TTC39C: variants seen among roughly 807,000 people sequenced by gnomAD.
TTC39C encodes the protein tetratricopeptide repeat protein 39C.
A neutral mutation model predicts 76.3 loss-of-function variants in TTC39C; 33 were observed. The ratio of observed to expected loss-of-function variants is 0.43; its 90% confidence interval spans 0.33 to 0.58. The LOEUF (loss-of-function observed/expected upper bound fraction) is 0.58. Among genes scored for constraint, TTC39C ranks in the 20% least tolerant of loss-of-function variants. TTC39C has a pLI of 0.04. For synonymous variants in TTC39C, 254 were observed against 260.6 expected (o/e 0.97, Z 0.24); for missense variants, 595 against 701.4 (o/e 0.85, Z 1.71).
intron 5 of TTC39C, 24 bp from the exon 6 acceptor site, chr18:24,082,889 A>G (rs751108771): frequency 1.2e-5 from 18 of 1,564,554 alleles, no homozygotes; most frequent in South Asian, 2.4e-5. Flanking sequence ...AATGTGCTCA[A>G]TGTTTCTCTC....
intron 1 of TTC39C, among the ~76,000 whole-genome samples, chr18:24,038,642 T>C (rs1254657823): frequency 6.6e-6 from 1 of 152,198 alleles, no homozygotes; most frequent in Non-Finnish European, 1.5e-5. Context: ...AACAGTCATA[T>C]TGGTCCACTT....
intron 4 of TTC39C, among the ~76,000 whole-genome samples, chr18:24,078,208 A>C (rs1201682995): frequency 1.3e-5 from 2 of 152,232 alleles, no homozygotes; most frequent in Non-Finnish European, 2.9e-5. Flanking sequence ...ATAGGACATT[A>C]ATCACCCAGA....
intron 4 of TTC39C, among the ~76,000 whole-genome samples, chr18:24,078,925 G>T (rs1360060146): frequency 1.3e-5 from 2 of 152,202 alleles, no homozygotes; most frequent in Admixed American, 1.3e-4. Context: ...TCTATTGAAG[G>T]ATAGCAGTCA....
chr18:24,076,275 C>T (rs957683049), intron 4 of TTC39C, among the ~76,000 whole-genome samples: 2 of 152,306 alleles, frequency 1.3e-5, no homozygotes, highest in East Asian at 1.9e-4. Flanking sequence ...CCACCGCGCC[C>T]GGCCTGCTCT....
chr18:24,048,417 A>G (rs1343457444), intron 1 of TTC39C, among the ~76,000 whole-genome samples: 2 of 152,262 alleles, frequency 1.3e-5, no homozygotes, highest in African/African-American at 4.8e-5. Flanking sequence ...TTCTTTAAAT[A>G]AATGAGGTGT....
At chr18:24,096,456 C>A (rs2084591419) in intron 6 of TTC39C, among the ~76,000 whole-genome samples, 1 of 152,154 alleles carries the variant, frequency 6.6e-6, no homozygotes, top group South Asian at 2.1e-4. Flanking sequence ...ATGATAGACT[C>A]ATTTCTCCAG....
intron 5 of TTC39C, 22 bp from the exon 6 acceptor site, chr18:24,082,891 G>A: frequency 5.1e-6 from 8 of 1,566,456 alleles, no homozygotes; most frequent in Non-Finnish European, 6.9e-6. Flanking sequence ...TGTGCTCAAT[G>A]TTTCTCTCCC....
rs768356123 is a variant in TTC39C, at chr18:24,128,990, TG to T, written c.1518+8del. On this transcript the variant is annotated splice_region_variant and intron_variant, in intron 11 of 13. Transcript: ENST00000317571. ...CTCAGAAGATGCTGTTCAGGTAAACTGTTAATGTTGTCAGGGCTAAAGAAAA... is the reference window on the plus strand; with the variant it reads ...CTCAGAAGATGCTGTTCAGGTAAACTTTAATGTTGTCAGGGCTAAAGAAAA... The T allele has an allele frequency of 6.2e-7, 1 of 1,609,312 alleles. No homozygotes were observed.
intron 1 of TTC39C, among the ~76,000 whole-genome samples, chr18:24,008,231 G>A (rs777734705): frequency 1.3e-5 from 2 of 152,176 alleles, no homozygotes; most frequent in Non-Finnish European, 2.9e-5. Context: ...TCGAATGTCC[G>A]AGGGAATCTG....
At chr18:24,045,892 A>AAAAAAAAAAAAAAAAT (rs1435790388) in intron 1 of TTC39C, among the ~76,000 whole-genome samples, 1 of 61,230 alleles carries the variant, frequency 1.6e-5, no homozygotes, top group African/African-American at 8.9e-5. Context: ...CTTCTGTGAA[A>AAAAAAAAAAAAAAAAT]ATATATATAT....
intron 1 of TTC39C, among the ~76,000 whole-genome samples, chr18:24,042,113 T>C (rs1449737816): frequency 3.3e-5 from 5 of 152,234 alleles, no homozygotes; most frequent in African/African-American, 9.6e-5. Flanking sequence ...ATCTATGTTA[T>C]AAAACAACTA....
chr18:24,067,379 G>T (rs1284672370), intron 3 of TTC39C, among the ~76,000 whole-genome samples: 2 of 152,176 alleles, frequency 1.3e-5, no homozygotes, highest in Admixed American at 1.3e-4. Flanking sequence ...TCTGCCTCCA[G>T]TCTCACGGTT....
chr18:24,118,696 A>C (rs1171910724), intron 8 of TTC39C, among the ~76,000 whole-genome samples: 1 of 148,280 alleles, frequency 6.7e-6, no homozygotes, highest in Non-Finnish European at 1.5e-5. Flanking sequence ...TCTTTTTGCC[A>C]GGTTGAAGTG....
chr18:24,054,538 A>T (rs900756074), intron 1 of TTC39C, among the ~76,000 whole-genome samples: 3 of 151,360 alleles, frequency 2.0e-5, no homozygotes, highest in African/African-American at 7.3e-5. Flanking sequence ...ACTGAAGAAG[A>T]CCCCCTTGAT....
Position 24,128,872 on chromosome 18 carries a change from C to T in TTC39C, c.1421-14C>T, listed in dbSNP as rs1411898882. ...CATTTGCTTACTGCTCTGTTCACTC[C>T]CCTTCTTTTTAAGCTTGCCATGAAG... On this transcript the variant is annotated splice_polypyrimidine_tract_variant and intron_variant, in intron 10 of 13. Transcript: ENST00000317571. 1 of 1,608,646 alleles carries T rather than the reference C, an allele frequency of 6.2e-7. No individual in the cohort carries two copies. Among genetic ancestry groups the T allele is most frequent in the Admixed American group, 1.7e-5 (1 of 59,600 alleles).
At position 24,128,899 on chromosome 18, in the gene TTC39C, G is replaced by A. The variant is rs1376501423; in HGVS notation, c.1434G>A (p.Val478=). 6.2e-7 allele frequency: 1 copy of A among 1,613,222 alleles called. No homozygotes were observed. Among genetic ancestry groups the A allele is most frequent in the East Asian group, 2.2e-5 (1 of 44,806 alleles). Reference sequence around the variant, plus strand: ...CTTCTTTTTAAGCTTGCCATGAAGTGGATGACTCATCTGTTGTTGGATTAA... The same window carrying A: ...CTTCTTTTTAAGCTTGCCATGAAGTAGATGACTCATCTGTTGTTGGATTAA... The part of the protein sequence containing the change: ...LQRMSQACHE[V]DDSSVVGLKY... Residue 478 remains valine (V), a synonymous_variant, in exon 11 of 14, where the codon GTG becomes GTA. Transcript: ENST00000317571.
At chr18:24,018,212 A>G (rs1330925259) in intron 1 of TTC39C, among the ~76,000 whole-genome samples, 1 of 152,138 alleles carries the variant, frequency 6.6e-6, no homozygotes, top group Non-Finnish European at 1.5e-5. Context: ...ACCATTATGC[A>G]CTTTGAGGTG....
At chr18:24,094,307 G>T (rs987009540) in intron 6 of TTC39C, among the ~76,000 whole-genome samples, 1 of 152,208 alleles carries the variant, frequency 6.6e-6, no homozygotes. Context: ...CACATTGGCT[G>T]TTTCTTCCTC....
At chr18:24,038,800 G>C (rs1038410999) in intron 1 of TTC39C, among the ~76,000 whole-genome samples, 2 of 152,148 alleles carry the variant, frequency 1.3e-5, no homozygotes, top group Non-Finnish European at 2.9e-5. Context: ...CTTGTGGACA[G>C]CTACTTTCTG....
Sources: allele counts gnomAD v4.1 joint callset (sites outside exome capture counted in the v4.1 genomes callset), GRCh38; gene constraint gnomAD v4.1.1; transcripts MANE v1.5; gene names NCBI Gene and HGNC (gene_info 2026-07-23, HGNC 2026-07-21).